SLAIN1: variants seen among roughly 807,000 people sequenced by gnomAD.
SLAIN1 encodes the protein SLAIN motif-containing protein 1.
SLAIN1 carries 17 observed loss-of-function variants against 55.4 expected under a neutral mutation model. The observed-to-expected ratio is 0.31, with a 90% CI of 0.21 to 0.46. The LOEUF (loss-of-function observed/expected upper bound fraction) is 0.46. SLAIN1 is among the 20% of genes least tolerant of loss of function. The pLI is 1.00. For missense variants in SLAIN1, 682 were observed against 785.1 expected (o/e 0.87, Z 1.57); for synonymous variants, 348 against 337.4 (o/e 1.03, Z -0.35).
rs1404586675 is a variant in SLAIN1 at position 77,697,735 on chromosome 13, CT to C, written c.-178del. ...CATGTGCAGATCAGCTCGGTGGTGG[CT>C]GCCGCGGCCGGAGGCGAGGGCCCGG... On this transcript the variant is annotated 5_prime_UTR_variant, in exon 1 of 7. The change abolishes the stop of an existing upstream ORF in the 5' untranslated region. Coordinates refer to ENST00000418532, the MANE Select transcript of SLAIN1 (RefSeq NM_001242868.2). 2.5e-6 allele frequency: 1 copy of C among 405,728 alleles called. No homozygotes were observed. The highest frequency in any genetic ancestry group is 5.3e-5 in the Admixed American group (1 of 18,708). The allele number at this position is 405,728 out of a possible 1,614,324, so 25.1% of individuals were successfully genotyped here. A position where few individuals can be genotyped will look rare whatever the true frequency, so the allele number is the denominator to read the frequency against.
chr13:77,736,985 TGA>T (rs1368356260), intron 2 of SLAIN1, among the ~76,000 whole-genome samples: 2 of 152,118 alleles, frequency 1.3e-5, no homozygotes, highest in Non-Finnish European at 2.9e-5. Flanking sequence ...ACCTATTTGT[TGA>T]TGTACCCTGA....
At chr13:77,721,540 A>C (rs1164435010) in intron 2 of SLAIN1, among the ~76,000 whole-genome samples, 1 of 152,192 alleles carries the variant, frequency 6.6e-6, no homozygotes, top group Non-Finnish European at 1.5e-5. Context: ...AATAATTTGA[A>C]GTAAAATTCA....
rs1875285728 is a variant in SLAIN1 at position 77,764,200 on chromosome 13, T to C, written c.*980T>C. On this transcript the variant is annotated 3_prime_UTR_variant, in exon 7 of 7. Transcript: ENST00000418532. The stretch of plus-strand genomic sequence containing the variant: ...TACTGTGTACACTGCTGTTTTGGAA[T>C]GTTCAGAAATAAAGACTCTATTTCA... 1 of 152,656 alleles carries C rather than the reference T, an allele frequency of 6.6e-6. No homozygotes were observed. 9.5% of individuals were successfully genotyped at this position (152,656 alleles called of 1,614,324 possible).
At chr13:77,754,470 A>G in intron 5 of SLAIN1, among the ~76,000 whole-genome samples, 1 of 152,210 alleles carries the variant, frequency 6.6e-6, no homozygotes, top group Non-Finnish European at 1.5e-5. Flanking sequence ...GTCTAAGGCC[A>G]TACAGTTGGA....
chr13:77,719,518 T>C lies in SLAIN1; in HGVS notation c.627-14T>C. ...ACCTATATCATACCTATAATGTAGA[T>C]TTCTTTTTTTAAGGTTATACATTGG... is the stretch of plus-strand genomic sequence containing the variant. On this transcript the variant is annotated splice_polypyrimidine_tract_variant and intron_variant, in intron 1 of 6. Coordinates refer to ENST00000418532, the MANE Select transcript of SLAIN1 (RefSeq NM_001242868.2). The C allele has an allele frequency of 6.2e-7, 1 of 1,602,420 alleles. No homozygotes were observed. The highest frequency in any genetic ancestry group is 8.5e-7 in the Non-Finnish European group (1 of 1,171,950).
At chr13:77,729,234 T>G (rs77094203) in intron 2 of SLAIN1, among the ~76,000 whole-genome samples, 1 of 152,324 alleles carries the variant, frequency 6.6e-6, no homozygotes, top group African/African-American at 2.4e-5. Flanking sequence ...TTTCCTTAAG[T>G]AATCCTTTTT....
chr13:77,749,391 C>T (rs544023393), intron 4 of SLAIN1, among the ~76,000 whole-genome samples: 12 of 152,154 alleles, frequency 7.9e-5, no homozygotes, highest in African/African-American at 2.2e-4. Flanking sequence ...TATAATTCTA[C>T]GGTATGGCAG....
At chr13:77,753,135 G>T (rs961119946) in intron 4 of SLAIN1, 68 bp from the exon 5 acceptor site, 26 of 1,379,266 alleles carry the variant, frequency 1.9e-5, no homozygotes, top group Non-Finnish European at 2.1e-5. Flanking sequence ...TTTGTTATTT[G>T]CTTTTGAAAG....
At chr13:77,723,215 A>G (rs2091277858) in intron 2 of SLAIN1, among the ~76,000 whole-genome samples, 1 of 152,138 alleles carries the variant, frequency 6.6e-6, no homozygotes, top group Non-Finnish European at 1.5e-5. Flanking sequence ...TTGTTTTGTT[A>G]CTGTTCCTTC....
intron 6 of SLAIN1, among the ~76,000 whole-genome samples, chr13:77,761,968 G>A (rs1875062007): frequency 6.6e-6 from 1 of 152,108 alleles, no homozygotes; most frequent in Admixed American, 6.6e-5. Context: ...GTTTGAAAGA[G>A]GTGGAACAAG....
rs1001050209 is a variant in SLAIN1, at chr13:77,698,889, T to C, written c.626+350T>C. 7 of 1,531,762 alleles carry C rather than the reference T, an allele frequency of 4.6e-6. No homozygotes were observed. The highest frequency in any genetic ancestry group is 3.9e-5 in the Admixed American group (2 of 50,922). The allele number at this position is 1,531,762 out of a possible 1,614,324, so 94.9% of individuals were successfully genotyped here. A position where few individuals can be genotyped will look rare whatever the true frequency, so the allele number is the denominator to read the frequency against. ...ATCTTGTCTTTTTGCTCAGTGCTGC[T>C]CTTTTCCCCAGTGTTTTCGGAGGGA... On this transcript the variant is annotated intron_variant, in intron 1 of 6. Transcript: ENST00000418532. This position sits in a 1 kb window ranked among gnomAD's most constrained non-coding sequence, Gnocchi z 4.1.
rs566936894 is a variant in SLAIN1 at position 77,707,767 on chromosome 13, G to A, written c.626+9228G>A. Reference sequence around the variant, plus strand: ...AAAGAAATGGGACCAGAATTCTAACGAGTCAGCATGTGGACTTCCATTTAA... The same window carrying A: ...AAAGAAATGGGACCAGAATTCTAACAAGTCAGCATGTGGACTTCCATTTAA... On this transcript the variant is annotated intron_variant, in intron 1 of 6. Coordinates refer to ENST00000418532, the MANE Select transcript of SLAIN1 (RefSeq NM_001242868.2). 1.5e-4 allele frequency among the ~76,000 whole-genome samples: 23 copies of A among 152,316 alleles called. No individual in the cohort carries two copies. In the East Asian group the frequency reaches 4.4e-3, roughly 29 times the overall value.
intron 1 of SLAIN1, among the ~76,000 whole-genome samples, chr13:77,712,578 A>G (rs141712227): frequency 1.3e-5 from 2 of 152,312 alleles, no homozygotes; most frequent in African/African-American, 4.8e-5. Context: ...ACAAATGGAA[A>G]TACATTCCAT....
chr13:77,748,977 T>A (rs1158576692), intron 4 of SLAIN1, among the ~76,000 whole-genome samples: 1 of 152,188 alleles, frequency 6.6e-6, no homozygotes, highest in Non-Finnish European at 1.5e-5. Flanking sequence ...CTGGAGTGGA[T>A]GTGCTAAATA....
intron 2 of SLAIN1, among the ~76,000 whole-genome samples, chr13:77,736,185 GCCTTT>G (rs747858715): frequency 1.3e-5 from 2 of 151,940 alleles, no homozygotes; most frequent in African/African-American, 2.4e-5. Flanking sequence ...GGCCATCCTA[GCCTTT>G]TACTACATGA....
chr13:77,697,891 C>T lies in SLAIN1; in HGVS notation c.-23C>T, dbSNP rs770254607. On this transcript the variant is annotated 5_prime_UTR_variant, in exon 1 of 7. Coordinates refer to ENST00000418532, the MANE Select transcript of SLAIN1 (RefSeq NM_001242868.2). ...CGCGGCGGCGCGCACTCCCCGGCGG[C>T]CGCGGCGCCCTCGGGGCCCACGATG... The T allele has an allele frequency of 5.8e-5, 77 of 1,338,352 alleles. 3 individuals carry two copies. The South Asian group carries it at 1.2e-3, about 21-fold the overall frequency. The allele number at this position is 1,338,352 out of a possible 1,614,324, so 82.9% of individuals were successfully genotyped here.
At chr13:77,733,157 A>C (rs1236190277) in intron 2 of SLAIN1, among the ~76,000 whole-genome samples, 1 of 152,206 alleles carries the variant, frequency 6.6e-6, no homozygotes, top group Non-Finnish European at 1.5e-5. Context: ...CTCCTTATGC[A>C]ACATGGTGGA....
At chr13:77,733,237 T>C (rs1872959878) in intron 2 of SLAIN1, among the ~76,000 whole-genome samples, 1 of 152,190 alleles carries the variant, frequency 6.6e-6, no homozygotes, top group South Asian at 2.1e-4. Flanking sequence ...ATACAACTGC[T>C]TTGTTACTTT....
At chr13:77,717,935 G>A (rs931034968) in intron 1 of SLAIN1, among the ~76,000 whole-genome samples, 4 of 152,066 alleles carry the variant, frequency 2.6e-5, no homozygotes, top group Admixed American at 6.6e-5. Context: ...GAGAAGTACC[G>A]TGTACTGGGC....
Sources: gnomAD v4.1 joint callset for allele counts (sites outside exome capture counted in the v4.1 genomes callset) on GRCh38, gnomAD v4.1.1 for gene constraint, Gnocchi (gnomAD v3.1) non-coding constraint, MANE v1.5 for transcripts, NCBI Gene and HGNC (gene_info 2026-07-23, HGNC 2026-07-21) for gene names.